TFPT: variants seen among roughly 807,000 people sequenced by gnomAD.
TFPT encodes INO80 complex subunit F.
Under a neutral mutation model 28.8 loss-of-function variants are expected in TFPT, and 27 were observed. That is an observed-to-expected ratio of 0.94 (90% confidence interval 0.69 to 1.29). The LOEUF is 1.29. Among genes scored for constraint, TFPT ranks in the 50% most tolerant of loss-of-function variants. TFPT has a pLI of 0.00. For synonymous variants in TFPT, 152 were observed against 142.8 expected (o/e 1.06, Z -0.46); for missense variants, 330 against 338.0 (o/e 0.98, Z 0.19).
chr19:54,114,477 G>C lies in TFPT; in HGVS notation c.247C>G (p.Gln83Glu). 1.9e-6 allele frequency: 3 copies of C among 1,613,764 alleles called. No individual in the cohort carries two copies. Among genetic ancestry groups the C allele is most frequent in the Non-Finnish European group, 2.5e-6 (3 of 1,180,012 alleles). The change falls in exon 2 of 6, where the codon CAG becomes GAG. Residue 83 changes from glutamine (Q) to glutamate (E), a missense_variant. Physicochemically the swap from Gln to Glu is conservative, Grantham distance 29. Coordinates refer to ENST00000391759, the MANE Select transcript of TFPT (RefSeq NM_013342.4). ...RQRELNRRKYQALGRRCREIE... is the reference protein window; with the variant it reads ...RQRELNRRKYEALGRRCREIE... ...TCCCGGCAGCGCCGACCTAGTGCCT[G>C]GTACTTTCTGCGATTTAATTCCCGC...
At position 54,114,500 on chromosome 19, in the gene TFPT, C is replaced by G. The variant is rs1568574351; in HGVS notation, c.224G>C (p.Arg75Pro). 12 of 1,613,758 alleles carry G rather than the reference C, an allele frequency of 7.4e-6. No homozygotes were observed. The highest frequency in any genetic ancestry group is 1.7e-5 in the Admixed American group (1 of 59,982). Reference sequence around the variant, plus strand: ...CTGGTACTTTCTGCGATTTAATTCCCGCTGGCGCCGCCGCCGACCCCGGGC... The same window carrying G: ...CTGGTACTTTCTGCGATTTAATTCCGGCTGGCGCCGCCGCCGACCCCGGGC... ...EAARGRRRRQ[R>P]ELNRRKYQAL... The change falls in exon 2 of 6, where the codon CGG (arginine) becomes CCG (proline). Residue 75 changes from arginine (R) to proline (P), a missense_variant. By Grantham distance (103) the Arg-to-Pro change is moderately radical (BLOSUM62 -2). Coordinates refer to ENST00000391759, the MANE Select transcript of TFPT (RefSeq NM_013342.4).
At chr19:54,114,775 A>G in intron 1 of TFPT, 75 bp from the exon 2 acceptor site, 1 of 1,355,658 alleles carries the variant, frequency 7.4e-7, no homozygotes. Context: ...CCAGGAGCCC[A>G]GACCCCAACC....
At chr19:54,110,421 C>T (rs934992862) in intron 2 of TFPT, among the ~76,000 whole-genome samples, 7 of 152,076 alleles carry the variant, frequency 4.6e-5, no homozygotes, top group African/African-American at 1.7e-4. Flanking sequence ...GAGCCTGAAC[C>T]TCCCATTAAG....
intron 5 of TFPT, chr19:54,107,493 C>T: frequency 2.9e-6 from 1 of 339,372 alleles, no homozygotes; most frequent in Admixed American, 4.5e-5. Context: ...AAGTGATCCT[C>T]CCACCTAGGC....
chr19:54,114,728 C>T lies in TFPT; in HGVS notation c.24-28G>A, dbSNP rs769593616. ...GAGAGGCAGGGAAAGGCTCAGGGGCCCTGGATCCTGGACCCCCAGCCCCTT... is the reference window on the plus strand; with the variant it reads ...GAGAGGCAGGGAAAGGCTCAGGGGCTCTGGATCCTGGACCCCCAGCCCCTT... On this transcript the variant is annotated intron_variant, in intron 1 of 5. Coordinates refer to ENST00000391759, the MANE Select transcript of TFPT (RefSeq NM_013342.4). 4.4e-6 allele frequency: 7 copies of T among 1,594,054 alleles called. No individual in the cohort carries two copies. The East Asian group carries it at 1.3e-4, about 31-fold the overall frequency.
At chr19:54,107,746 TCTTTCC>T (rs2073313029) in intron 5 of TFPT, among the ~76,000 whole-genome samples, 1 of 152,158 alleles carries the variant, frequency 6.6e-6, no homozygotes, top group Non-Finnish European at 1.5e-5. Flanking sequence ...CAGGTCTTCC[TCTTTCC>T]CTTTCCAACT....
At chr19:54,108,752 T>C (rs1307978049) in intron 3 of TFPT, 2 of 771,798 alleles carry the variant, frequency 2.6e-6, no homozygotes, top group Admixed American at 5.9e-5. Context: ...TATTGATAAC[T>C]GAAGAGAGGG....
intron 2 of TFPT, 25 bp from the exon 3 acceptor site, chr19:54,110,146 G>A: frequency 6.2e-7 from 1 of 1,613,400 alleles, no homozygotes; most frequent in East Asian, 2.2e-5. Flanking sequence ...ACGCCCATCA[G>A]CTGGATCCCA....
At chr19:54,114,323 C>G in intron 2 of TFPT, 119 bp downstream of exon 2, 1 of 1,463,832 alleles carries the variant, frequency 6.8e-7, no homozygotes, top group Non-Finnish European at 9.1e-7. Flanking sequence ...AATATATAAG[C>G]TAAATGACTG....
At position 54,108,891 on chromosome 19, in the gene TFPT, G is replaced by A. The variant is rs587722926; in HGVS notation, c.354-496C>T. The A allele has an allele frequency of 4.9e-5, 16 of 324,320 alleles. No homozygotes were observed. In the East Asian group the frequency reaches 1.1e-3, roughly 23 times the overall value. The allele number at this position is 324,320 out of a possible 1,614,324, so 20.1% of individuals were successfully genotyped here. A position where few individuals can be genotyped will look rare whatever the true frequency, so the allele number is the denominator to read the frequency against. ...ATGCCTCCTCTGCACCAGCACCTGG[G>A]CAGGTTTGTTGTTGTTGTTTTGCGA... On this transcript the variant is annotated intron_variant, in intron 3 of 5. Coordinates refer to ENST00000391759, the MANE Select transcript of TFPT (RefSeq NM_013342.4).
In TFPT at chr19:54,108,680, C is replaced by T. The variant is rs1446014590; in HGVS notation, c.354-285G>A. 15 of 1,258,442 alleles carry T rather than the reference C, an allele frequency of 1.2e-5. No homozygotes were observed. The Admixed American group carries it at 1.9e-4, about 16-fold the overall frequency. 78.0% of individuals were successfully genotyped at this position (1,258,442 alleles called of 1,614,324 possible). ...GTGACACTGAAGTAGTGACACCAGACGATTTCTGTACTTAATGTGATGTCA... is the reference window on the plus strand; with the variant it reads ...GTGACACTGAAGTAGTGACACCAGATGATTTCTGTACTTAATGTGATGTCA... On this transcript the variant is annotated intron_variant, in intron 3 of 5. Coordinates refer to ENST00000391759, the MANE Select transcript of TFPT (RefSeq NM_013342.4).
At chr19:54,107,277 C>T (rs2073297113) in intron 5 of TFPT, 108 bp from the exon 6 acceptor site, 3 of 1,465,016 alleles carry the variant, frequency 2.0e-6, no homozygotes, top group Non-Finnish European at 1.8e-6. Context: ...GAGACAGGGT[C>T]TCACTCTGTT....
chr19:54,107,118 T>C lies in TFPT; in HGVS notation c.694A>G (p.Ser232Gly). The C allele has an allele frequency of 1.2e-6, 2 of 1,613,780 alleles. No homozygotes were observed. The highest frequency in any genetic ancestry group is 1.7e-6 in the Non-Finnish European group (2 of 1,179,912). The change falls in exon 6 of 6, where the codon AGT (serine) becomes GGT (glycine). Residue 232 changes from serine (S) to glycine (G), a missense_variant. Transcript: ENST00000391759. ...GFEADEALDS[S>G]WVSRGPDKLL... ...TTGTCTGGACCCCGAGAAACCCAACTGGAATCCAGGGCCTCATCTGCTTCA... is the reference window on the plus strand; with the variant it reads ...TTGTCTGGACCCCGAGAAACCCAACCGGAATCCAGGGCCTCATCTGCTTCA...
intron 3 of TFPT, among the ~76,000 whole-genome samples, chr19:54,109,641 G>T (rs1284768022): frequency 1.3e-5 from 2 of 152,156 alleles, no homozygotes; most frequent in Non-Finnish European, 2.9e-5. Flanking sequence ...GCAGCCTCAT[G>T]ATATTGGTGC....
At position 54,112,560 on chromosome 19, in the gene TFPT, G is replaced by A. The variant is rs921619798; in HGVS notation, c.282+1882C>T. On this transcript the variant is annotated intron_variant, in intron 2 of 5. Coordinates refer to ENST00000391759, the MANE Select transcript of TFPT (RefSeq NM_013342.4). ...TCCTAGCATTTTGGGAGGTCAAGGCGAGTGGATCACTTGAGGTCAGGAGTT... is the reference window on the plus strand; with the variant it reads ...TCCTAGCATTTTGGGAGGTCAAGGCAAGTGGATCACTTGAGGTCAGGAGTT... Among the ~76,000 whole-genome samples, 17 of 151,764 alleles carry A rather than the reference G, an allele frequency of 1.1e-4. 1 individual carries two copies. The highest frequency in any genetic ancestry group is 1.3e-4 in the Admixed American group (2 of 15,220).
rs1248823439 is a variant in TFPT at position 54,112,453 on chromosome 19, T to C, written c.282+1989A>G. Among the ~76,000 whole-genome samples the C allele has an allele frequency of 2.6e-5, 4 of 152,132 alleles. No individual in the cohort carries two copies. The East Asian group carries it at 7.7e-4, about 29-fold the overall frequency. ...TTAAACAGGGTTTGGAATATGCCCC[T>C]GGCCTCTAGCCTTCCTCCTTACAGA... On this transcript the variant is annotated intron_variant, in intron 2 of 5. Transcript: ENST00000391759.
chr19:54,114,607 G>C lies in TFPT; in HGVS notation c.117C>G (p.Ser39Arg). 2 of 1,614,028 alleles carry C rather than the reference G, an allele frequency of 1.2e-6. No individual in the cohort carries two copies. Among genetic ancestry groups the C allele is most frequent in the Non-Finnish European group, 1.7e-6 (2 of 1,180,024 alleles). ...PPLFGGHILE[S>R]ELETEVEFVS... ...CAAACTCCACTTCCGTCTCCAGCTC[G>C]CTCTCCAGGATGTGGCCACCAAATA... The change falls in exon 2 of 6, where the codon AGC becomes AGG. Residue 39 changes from serine (S) to arginine (R), a missense_variant. Coordinates refer to ENST00000391759, the MANE Select transcript of TFPT (RefSeq NM_013342.4).
rs587705214 is a variant in TFPT, at chr19:54,108,403, G to A, written c.354-8C>T. On this transcript the variant is annotated splice_polypyrimidine_tract_variant and splice_region_variant and intron_variant, in intron 3 of 5. Transcript: ENST00000391759. The stretch of plus-strand genomic sequence containing the variant: ...AGCACTCTCATGAGGAACCTGCTCA[G>A]GGGGAGAAGCCACCAACGGAATAAC... 1 of 1,613,874 alleles carries A rather than the reference G, an allele frequency of 6.2e-7. No homozygotes were observed. The highest frequency in any genetic ancestry group is 8.5e-7 in the Non-Finnish European group (1 of 1,179,928).
intron 2 of TFPT, among the ~76,000 whole-genome samples, chr19:54,113,375 C>T (rs2073510023): frequency 6.6e-6 from 1 of 152,098 alleles, no homozygotes; most frequent in African/African-American, 2.4e-5. Context: ...CTGCCAGAAA[C>T]CTCCAGAAGC....
Sources: gnomAD v4.1 joint callset for allele counts (sites outside exome capture counted in the v4.1 genomes callset) on GRCh38, gnomAD v4.1.1 for gene constraint, MANE v1.5 for transcripts, NCBI Gene and HGNC (gene_info 2026-07-23, HGNC 2026-07-21) for gene names.